Variants in ZNF117 observed in about 807,000 individuals in gnomAD.
The protein encoded by ZNF117 is zinc finger protein 117.
In ZNF117, 37 loss-of-function variants were observed where a neutral mutation model predicts 41.2. The observed-to-expected ratio is 0.90, with a 90% CI of 0.69 to 1.18. ZNF117 has a LOEUF of 1.18. Among genes scored for constraint, ZNF117 ranks in the 50% most tolerant of loss-of-function variants. ZNF117 has a pLI of 0.00. For missense variants in ZNF117, 546 were observed against 557.5 expected, an observed-to-expected ratio of 0.98 and a Z score of 0.21; for synonymous variants, 186 against 186.6, an observed-to-expected ratio of 1.00 and a Z score of 0.02.
chr7:64,985,734 G>A (rs1401284717), upstream of ZNF117, among the ~76,000 whole-genome samples: 1 of 152,032 alleles, frequency 6.6e-6, no homozygotes, highest in Non-Finnish European at 1.5e-5. Flanking sequence ...GCTGAGGCTG[G>A]TGAATCATGA....
At chr7:64,979,268 C>G in exon 3 of ZNF117, 17 of 1,595,408 alleles carry the variant, frequency 1.1e-5, no homozygotes, top group Non-Finnish European at 1.4e-5. Context: ...CAGTATGTCT[C>G]ATCTTGTGTC....
At chr7:64,979,088 T>C (rs1785966046) in exon 3 of ZNF117, 1 of 1,613,076 alleles carries the variant, frequency 6.2e-7, no homozygotes, top group Admixed American at 1.7e-5. Flanking sequence ...AAGGTTTTTC[T>C]CCAGTATGAA....
chr7:64,977,473 C>T (rs1357129847), exon 3 of ZNF117: 6 of 484,092 alleles, frequency 1.2e-5, no homozygotes, highest in Non-Finnish European at 2.5e-5. Context: ...CCACATTCCT[C>T]ACATTTGTAA....
At chr7:64,989,155 A>ACACG (rs1365737594) in intron 1 of ZNF117, among the ~76,000 whole-genome samples, 1 of 150,322 alleles carries the variant, frequency 6.7e-6, no homozygotes. Context: ...ATACACACAC[A>ACACG]CACACACATA....
chr7:64,977,211 T>C (rs1785911792), exon 3 of ZNF117: 1 of 424,218 alleles, frequency 2.4e-6, no homozygotes, highest in Non-Finnish European at 4.7e-6. Flanking sequence ...AAAGGCCTTG[T>C]CACATTCTTC....
chr7:64,979,339 T>C, exon 3 of ZNF117: 1 of 1,594,344 alleles, frequency 6.3e-7, no homozygotes, highest in South Asian at 1.1e-5. Context: ...AATATTTTGC[T>C]CAAGGTAGTT....
chr7:64,978,288 C>T lies in ZNF117; in HGVS notation c.1283G>A (p.Arg428Gln), dbSNP rs7457502. The T allele has an allele frequency of 9.6e-4, 1,516 of 1,584,296 alleles. 17 individuals are homozygous for T. In the African/African-American group the frequency reaches 0.017, roughly 18 times the overall value. The change falls in exon 3 of 3, where the codon CGA becomes CAA. Residue 428 changes from arginine to glutamine, a missense_variant. Coordinates refer to ENST00000620222, the Ensembl canonical transcript of ZNF117. ...CTTATGTCCAATAAGGGTTGAAGATCGGTTAAAGGCTTTGCCACATTCTTC... is the reference window on the plus strand; with the variant it reads ...CTTATGTCCAATAAGGGTTGAAGATTGGTTAAAGGCTTTGCCACATTCTTC...
exon 3 of ZNF117, chr7:64,979,059 C>T (rs763170294): frequency 1.9e-6 from 3 of 1,612,904 alleles, no homozygotes; most frequent in Non-Finnish European, 1.7e-6. Flanking sequence ...AAAGGCTTTG[C>T]CACATTCTTT....
exon 3 of ZNF117, chr7:64,976,776 G>C: frequency 2.7e-6 from 1 of 368,544 alleles, no homozygotes; most frequent in Non-Finnish European, 5.4e-6. Context: ...AGAAAAGTTT[G>C]AAGGTGTTGT....
rs1442794495 is a variant in ZNF117, at chr7:64,979,153, C to A, written c.418G>T (p.Glu140Ter). The A allele has an allele frequency of 6.2e-7, 1 of 1,605,898 alleles. No individual in the cohort carries two copies. The highest frequency in any genetic ancestry group is 1.1e-5 in the South Asian group (1 of 89,562). The change falls in exon 3 of 3, where the codon GAA becomes TAA. Residue 140 changes from glutamate to a stop codon, truncating the protein, a stop_gained. Transcript: ENST00000620222. LOFTEE classifies it high-confidence loss of function. Reference sequence around the variant, plus strand: ...CAGTTAAAGGCTCTTCCATATGCTTCACATTTGTAGAAATTCACTCTAGTT... The same window carrying A: ...CAGTTAAAGGCTCTTCCATATGCTTAACATTTGTAGAAATTCACTCTAGTT...
chr7:64,987,089 C>T (rs1786152104), upstream of ZNF117, among the ~76,000 whole-genome samples: 1 of 152,034 alleles, frequency 6.6e-6, no homozygotes, highest in African/African-American at 2.4e-5. Flanking sequence ...CCAAATTATA[C>T]CAACCACACA....
chr7:64,978,091 T>G (rs2129118450), exon 3 of ZNF117: 2 of 1,597,086 alleles, frequency 1.3e-6, no homozygotes, highest in East Asian at 4.5e-5. Flanking sequence ...CCAGTATGAA[T>G]TTTCTTGTGT....
intron 1 of ZNF117, 64 bp from the exon 3 acceptor site, chr7:64,981,546 G>T: frequency 1.5e-6 from 2 of 1,330,822 alleles, no homozygotes; most frequent in Non-Finnish European, 2.1e-6. Flanking sequence ...ACTTGGTAAT[G>T]TGCTCAGTAA....
chr7:64,978,282 G>C lies in ZNF117; in HGVS notation c.1289C>G (p.Ser430Ter). Residue 430 changes from serine to a stop codon, truncating the protein, a stop_gained, in exon 3 of 3, where the codon TCA becomes TGA. Transcript: ENST00000620222. LOFTEE classifies it high-confidence loss of function. Reference sequence around the variant, plus strand: ...AATTCTCTTATGTCCAATAAGGGTTGAAGATCGGTTAAAGGCTTTGCCACA... The same window carrying C: ...AATTCTCTTATGTCCAATAAGGGTTCAAGATCGGTTAAAGGCTTTGCCACA... The C allele has an allele frequency of 6.3e-7, 1 of 1,595,728 alleles. No individual in the cohort carries two copies.
upstream of ZNF117, among the ~76,000 whole-genome samples, chr7:64,984,110 G>C (rs1336155548): frequency 2.6e-5 from 4 of 152,022 alleles, no homozygotes; most frequent in African/African-American, 9.7e-5. Flanking sequence ...ATCTATAATG[G>C]AATATATTTG....
chr7:64,972,734 T>C (rs1330543523), downstream of ZNF117: 3 of 152,058 alleles, frequency 2.0e-5, no homozygotes, highest in African/African-American at 7.2e-5. Context: ...TTGTACAGCA[T>C]AGTGACTACA....
At chr7:64,977,450 A>T in exon 3 of ZNF117, 1 of 464,220 alleles carries the variant, frequency 2.2e-6, no homozygotes, top group Non-Finnish European at 4.3e-6. Flanking sequence ...TTGAGCATCG[A>T]CTGAAAGTTT....
chr7:64,981,470 G>T (rs1786032097), exon 2 of ZNF117: 1 of 1,597,332 alleles, frequency 6.3e-7, no homozygotes, highest in Non-Finnish European at 8.6e-7. Flanking sequence ...GTCTGGCTTA[G>T]AGACAGCAAT....
chr7:64,979,045 G>C, exon 3 of ZNF117: 4 of 1,612,946 alleles, frequency 2.5e-6, no homozygotes, highest in Non-Finnish European at 3.4e-6. Flanking sequence ...TGTGAGGTCT[G>C]GTTAAAGGCT....
Sources: allele counts gnomAD v4.1 joint callset (sites outside exome capture counted in the v4.1 genomes callset), GRCh38; gene constraint gnomAD v4.1.1; transcripts MANE v1.5; gene names NCBI Gene and HGNC (gene_info 2026-07-23, HGNC 2026-07-21).